The following CAMTA1 variants were observed in gnomAD, a reference collection of about 807,000 sequenced individuals.
CAMTA1 encodes calmodulin binding transcription activator 1.
A neutral mutation model predicts 170.9 loss-of-function variants in CAMTA1; 27 were observed. The ratio of observed to expected loss-of-function variants is 0.16; its 90% CI spans 0.12 to 0.22. CAMTA1 has a LOEUF of 0.22. Among genes scored for constraint, CAMTA1 ranks in the 10% least tolerant of loss-of-function variants. The pLI is 1.00. For synonymous variants in CAMTA1, 833 were observed against 891.5 expected, an observed-to-expected ratio of 0.93 and a Z score of 1.17; for missense variants, 1,619 against 2,217.2, an observed-to-expected ratio of 0.73 and a Z score of 5.42.
chr1:7,626,295 T>A (rs1482163224), intron 6 of CAMTA1, among the ~76,000 whole-genome samples: 1 of 152,202 alleles, frequency 6.6e-6, no homozygotes, highest in East Asian at 1.9e-4. Context: ...CATTTGTCAG[T>A]CAAGGGAGAG....
intron 6 of CAMTA1, among the ~76,000 whole-genome samples, chr1:7,492,667 G>A (rs867253814): frequency 0.019 from 774 of 41,048 alleles, 6 homozygotes; most frequent in Middle Eastern, 0.03. Flanking sequence ...ACAAACATAC[G>A]AACACACACA....
Position 7,640,405 on chromosome 1 carries a change from C to T in CAMTA1, c.516C>T (p.Pro172=), listed in dbSNP as rs775725704. The T allele has an allele frequency of 7.4e-6, 12 of 1,613,976 alleles. No individual in the cohort carries two copies. The highest frequency in any genetic ancestry group is 5.0e-5 in the Admixed American group (3 of 60,028). Residue 172 remains proline, a synonymous_variant, in exon 7 of 23, where the codon CCC becomes CCT. Coordinates refer to ENST00000303635, the MANE Select transcript of CAMTA1 (RefSeq NM_015215.4). ...AGTCTCTGCTCTCCCCACAGAACCC[C>T]GACATCGTCCTGGTGCACTACCTGA... ...HRRCYWLLQN[P]DIVLVHYLNV...
intron 11 of CAMTA1, among the ~76,000 whole-genome samples, chr1:7,704,021 A>C (rs979242336): frequency 6.6e-6 from 1 of 151,514 alleles, no homozygotes; most frequent in African/African-American, 2.4e-5. Flanking sequence ...AGCCGCCGCC[A>C]CCGTCCCCGC....
At chr1:6,847,028 G>A (rs115109537) in intron 3 of CAMTA1, among the ~76,000 whole-genome samples, 72 of 151,536 alleles carry the variant, frequency 4.8e-4, no homozygotes, top group African/African-American at 1.6e-3. Context: ...TTTGGAGACG[G>A]AATCTTGCTC....
intron 1 of CAMTA1, among the ~76,000 whole-genome samples, chr1:6,798,935 A>G (rs941620616): frequency 6.6e-6 from 1 of 151,976 alleles, no homozygotes; most frequent in African/African-American, 2.4e-5. Context: ...CCCTGAACCA[A>G]TCAGTGATTG....
rs552963091 is a variant in CAMTA1, at chr1:7,562,832, C to T, written c.511-77568C>T. Among the ~76,000 whole-genome samples the T allele has an allele frequency of 1.3e-5, 2 of 152,274 alleles. No homozygotes were observed. The highest frequency in any genetic ancestry group is 1.9e-4 in the East Asian group (1 of 5,166). ...AAGCAAGGCGGACGGGATGACAGGC[C>T]CTCTAACCCCACCGCCCACTCACCT... On this transcript the variant is annotated intron_variant, in intron 6 of 22. Coordinates refer to ENST00000303635, the MANE Select transcript of CAMTA1 (RefSeq NM_015215.4). This position sits in a 1 kb window ranked among gnomAD's most constrained non-coding sequence, Gnocchi z 4.8.
intron 4 of CAMTA1, among the ~76,000 whole-genome samples, chr1:7,183,425 C>T (rs1652625843): frequency 6.6e-6 from 1 of 152,120 alleles, no homozygotes; most frequent in African/African-American, 2.4e-5. Context: ...ACTGCTTATA[C>T]ATTTACATTT....
intron 7 of CAMTA1, among the ~76,000 whole-genome samples, chr1:7,646,906 A>T (rs956660881): frequency 6.6e-6 from 1 of 152,156 alleles, no homozygotes; most frequent in Non-Finnish European, 1.5e-5. Context: ...CCTCACCTGC[A>T]GCCTGTTGGT....
chr1:6,826,171 T>G (rs1647084783), intron 3 of CAMTA1, among the ~76,000 whole-genome samples: 1 of 152,192 alleles, frequency 6.6e-6, no homozygotes, highest in Admixed American at 6.5e-5. Flanking sequence ...TCAGAATGCT[T>G]TTGTTTTGCG....
At chr1:6,914,102 C>CTTTT (rs35814913) in intron 3 of CAMTA1, among the ~76,000 whole-genome samples, 2 of 122,068 alleles carry the variant, frequency 1.6e-5, no homozygotes, top group African/African-American at 6.1e-5. Flanking sequence ...GGGCTCATCT[C>CTTTT]TTTTTTTTTT....
At chr1:7,253,846 C>G (rs1310004906) in intron 5 of CAMTA1, among the ~76,000 whole-genome samples, 2 of 152,122 alleles carry the variant, frequency 1.3e-5, no homozygotes, top group Non-Finnish European at 2.9e-5. Context: ...TAGCACACAT[C>G]CTTCCTTCAT....
chr1:7,579,990 A>C (rs1461118775), intron 6 of CAMTA1, among the ~76,000 whole-genome samples: 2 of 152,258 alleles, frequency 1.3e-5, no homozygotes, highest in Non-Finnish European at 2.9e-5. Context: ...TGGGGGCTCC[A>C]TAAACTTGGG....
At position 7,248,717 on chromosome 1, in the gene CAMTA1, C is replaced by T. The variant is rs770352222; in HGVS notation, c.303-774C>T. The stretch of plus-strand genomic sequence containing the variant: ...CAGCCTCTCCTCTCTGTGGTGGACG[C>T]GTGTTTTCTTTTTGGCAAATTCAAG... On this transcript the variant is annotated intron_variant, in intron 4 of 22. Transcript: ENST00000303635. The surrounding 1 kb of genome is among the most constrained non-coding windows in gnomAD (Gnocchi z 4.0). 2.0e-5 allele frequency among the ~76,000 whole-genome samples: 3 copies of T among 152,154 alleles called. No homozygotes were observed. The highest frequency in any genetic ancestry group is 4.4e-5 in the Non-Finnish European group (3 of 68,026).
intron 5 of CAMTA1, among the ~76,000 whole-genome samples, chr1:7,418,629 A>C (rs1433262014): frequency 1.3e-5 from 2 of 151,760 alleles, no homozygotes; most frequent in African/African-American, 4.8e-5. Flanking sequence ...CCACCTGTCC[A>C]CTCCACATCG....
chr1:7,138,769 C>A (rs6658444), intron 4 of CAMTA1, among the ~76,000 whole-genome samples: 1 of 151,818 alleles, frequency 6.6e-6, no homozygotes, highest in African/African-American at 2.4e-5. Flanking sequence ...CCAAGGCAGG[C>A]GGATCATTTG....
At chr1:7,695,379 C>T (rs2096365015) in intron 11 of CAMTA1, among the ~76,000 whole-genome samples, 1 of 152,182 alleles carries the variant, frequency 6.6e-6, no homozygotes, top group Non-Finnish European at 1.5e-5. Context: ...TCATTCCTCC[C>T]CGGCGTTCTC....
intron 3 of CAMTA1, among the ~76,000 whole-genome samples, chr1:7,020,166 G>A (rs1321753702): frequency 6.6e-6 from 1 of 152,234 alleles, no homozygotes; most frequent in Non-Finnish European, 1.5e-5. Context: ...GAGCCAATTA[G>A]GGCTAAAAGT....
intron 3 of CAMTA1, among the ~76,000 whole-genome samples, chr1:7,080,082 A>G (rs941865650): frequency 2.6e-5 from 4 of 152,232 alleles, no homozygotes; most frequent in South Asian, 2.1e-4. Flanking sequence ...TTATATCTCC[A>G]TGATGCTGAT....
At chr1:6,998,686 T>C (rs1205983074) in intron 3 of CAMTA1, among the ~76,000 whole-genome samples, 1 of 152,270 alleles carries the variant, frequency 6.6e-6, no homozygotes, top group Admixed American at 6.5e-5. Context: ...TCTTTTGTCC[T>C]GTAACATATC....
Sources: gnomAD v4.1 joint callset for allele counts (sites outside exome capture counted in the v4.1 genomes callset) on GRCh38, gnomAD v4.1.1 for gene constraint, Gnocchi (gnomAD v3.1) non-coding constraint, MANE v1.5 for transcripts, NCBI Gene and HGNC (gene_info 2026-07-23, HGNC 2026-07-21) for gene names.